TRAPPC13: variants seen among roughly 807,000 people sequenced by gnomAD.
TRAPPC13 encodes REV7-interacting novel NHEJ regulator 1.
TRAPPC13 carries 39 observed loss-of-function variants against 54.0 expected under a neutral mutation model. The observed-to-expected ratio is 0.72, with a 90% CI of 0.56 to 0.94. The LOEUF is 0.94. TRAPPC13 is among the 40% of genes least tolerant of loss of function. The pLI, the probability that TRAPPC13 is intolerant of heterozygous loss-of-function variation, is 0.00. For missense variants in TRAPPC13, 386 were observed against 488.1 expected (o/e 0.79, Z 1.97); for synonymous variants, 148 against 167.7 (o/e 0.88, Z 0.91).
intron 1 of TRAPPC13, among the ~76,000 whole-genome samples, chr5:65,629,070 C>G (rs1223366283): frequency 1.3e-5 from 2 of 152,060 alleles, no homozygotes; most frequent in Admixed American, 6.5e-5. Context: ...ATTTAGTTGC[C>G]TCAAATTTTT....
At chr5:65,642,908 A>G (rs1756024283) in intron 4 of TRAPPC13, among the ~76,000 whole-genome samples, 1 of 152,228 alleles carries the variant, frequency 6.6e-6, no homozygotes, top group South Asian at 2.1e-4. Flanking sequence ...ATTAAAAATT[A>G]AAAATTGATG....
intron 12 of TRAPPC13, 39 bp downstream of exon 12, chr5:65,664,423 G>A: frequency 1.9e-6 from 3 of 1,605,278 alleles, no homozygotes; most frequent in Non-Finnish European, 2.6e-6. Flanking sequence ...TTTGGGTGCT[G>A]TTAACTTACA....
chr5:65,651,556 C>A (rs1756435119), intron 6 of TRAPPC13, among the ~76,000 whole-genome samples: 1 of 151,578 alleles, frequency 6.6e-6, no homozygotes, highest in Non-Finnish European at 1.5e-5. Flanking sequence ...CTCCAGGAAT[C>A]ACTGGAACTT....
rs199661889 is a variant in TRAPPC13 at position 65,664,248 on chromosome 5, T to C, written c.1010T>C (p.Met337Thr). 3.1e-6 allele frequency: 5 copies of C among 1,613,832 alleles called. No homozygotes were observed. The highest frequency in any genetic ancestry group is 1.7e-4 in the Middle Eastern group (1 of 6,056). ...GATTCCTCCAGCAGTGAAAGGACTATGGATCTGGTTTTGGAAATGTGCAAT... is the reference window on the plus strand; with the variant it reads ...GATTCCTCCAGCAGTGAAAGGACTACGGATCTGGTTTTGGAAATGTGCAAT... ...CKITNCSERT[M>T]DLVLEMCNTN... Residue 337 changes from methionine (M) to threonine (T), a missense_variant, in exon 12 of 13, where the codon ATG becomes ACG. Physicochemically the swap from Met to Thr is moderately conservative, Grantham distance 81. Transcript: ENST00000399438.
chr5:65,636,031 C>T lies in TRAPPC13; in HGVS notation c.203C>T (p.Pro68Leu). Reference sequence around the variant, plus strand: ...ATGTTGGGAGAAATGCTGACTTTACCACAGAATTTTGGGTAAGAATGACAT... The same window carrying T: ...ATGTTGGGAGAAATGCTGACTTTACTACAGAATTTTGGGTAAGAATGACAT... ...VLMLGEMLTLPQNFGNIFLGE... is the reference protein window; with the variant it reads ...VLMLGEMLTLLQNFGNIFLGE... Residue 68 changes from proline to leucine, a missense_variant, in exon 3 of 13, where the codon CCA becomes CTA. Physicochemically the swap from Pro to Leu is moderately conservative, Grantham distance 98 (BLOSUM62 -3). Transcript: ENST00000399438. The T allele has an allele frequency of 6.3e-7, 1 of 1,591,066 alleles. No homozygotes were observed. The highest frequency in any genetic ancestry group is 8.6e-7 in the Non-Finnish European group (1 of 1,167,102).
At chr5:65,648,880 G>C (rs1756307719) in intron 5 of TRAPPC13, among the ~76,000 whole-genome samples, 1 of 151,820 alleles carries the variant, frequency 6.6e-6, no homozygotes, top group Non-Finnish European at 1.5e-5. Context: ...TTTAAATACA[G>C]TGTGAACATT....
At position 65,632,171 on chromosome 5, in the gene TRAPPC13, G is replaced by A. The variant is rs1191440009; in HGVS notation, c.47-3130G>A. 2.6e-5 allele frequency among the ~76,000 whole-genome samples: 4 copies of A among 152,144 alleles called. 1 individual carries two copies. Among genetic ancestry groups the A allele is most frequent in the Admixed American group, 2.0e-4 (3 of 15,278 alleles). Reference sequence around the variant, plus strand: ...GGGGGTAGGGGGTGGGTCTGAGGCAGGAGGTTCACTTGAGCTCAGGAGGTC... The same window carrying A: ...GGGGGTAGGGGGTGGGTCTGAGGCAAGAGGTTCACTTGAGCTCAGGAGGTC... On this transcript the variant is annotated intron_variant, in intron 1 of 12. Transcript: ENST00000399438.
chr5:65,656,303 C>T (rs1756649775), intron 8 of TRAPPC13, among the ~76,000 whole-genome samples: 1 of 152,020 alleles, frequency 6.6e-6, no homozygotes, highest in African/African-American at 2.4e-5. Flanking sequence ...GCTTGTTTTT[C>T]TTTCGTTTTA....
At chr5:65,630,101 G>C in intron 1 of TRAPPC13, 1 of 1,536,022 alleles carries the variant, frequency 6.5e-7, no homozygotes, top group Non-Finnish European at 8.7e-7. Flanking sequence ...ATGGACAATA[G>C]AACACACTAT....
At chr5:65,650,659 A>G in intron 5 of TRAPPC13, 151 bp from the exon 6 acceptor site, 2 of 592,972 alleles carry the variant, frequency 3.4e-6, no homozygotes, top group South Asian at 2.4e-5. Context: ...TTATGTCCAT[A>G]TCTATTCTGA....
chr5:65,651,049 G>C (rs1033286341), intron 6 of TRAPPC13, among the ~76,000 whole-genome samples, 167 bp downstream of exon 6: 1 of 152,124 alleles, frequency 6.6e-6, no homozygotes, highest in Non-Finnish European at 1.5e-5. Flanking sequence ...CTAAATTAAG[G>C]TGAATAAAAG....
intron 3 of TRAPPC13, among the ~76,000 whole-genome samples, chr5:65,636,761 T>C (rs1227212348): frequency 1.3e-5 from 2 of 152,210 alleles, no homozygotes; most frequent in African/African-American, 4.8e-5. Flanking sequence ...AGCTGTATTA[T>C]TATTCTAGAT....
At position 65,658,409 on chromosome 5, in the gene TRAPPC13, A is replaced by T; in HGVS notation, c.606A>T (p.Thr202=). The T allele has an allele frequency of 6.3e-7, 1 of 1,597,908 alleles. No homozygotes were observed. The highest frequency in any genetic ancestry group is 1.1e-5 in the South Asian group (1 of 88,426). The change falls in exon 9 of 13, where the codon ACA becomes ACT. Residue 202 remains threonine, a synonymous_variant. Transcript: ENST00000399438. ...TGGAAGCCCAGATTCAGAATATGAC[A>T]ACCTCACCTATGTTTATGGAGAAGG... is the stretch of plus-strand genomic sequence containing the variant. ...VFLEAQIQNM[T]TSPMFMEKVS... is the part of the protein sequence containing the mutation.
intron 11 of TRAPPC13, 25 bp downstream of exon 11, chr5:65,662,175 T>A: frequency 6.7e-7 from 1 of 1,494,578 alleles, no homozygotes; most frequent in Non-Finnish European, 9.2e-7. Context: ...TGTAGATGGA[T>A]GTCCTTTCTA....
At chr5:65,657,147 C>G (rs774458531) in intron 8 of TRAPPC13, among the ~76,000 whole-genome samples, 1 of 151,696 alleles carries the variant, frequency 6.6e-6, no homozygotes, top group African/African-American at 2.4e-5. Flanking sequence ...TTTGGGAGGC[C>G]GAGGTGGGTG....
At chr5:65,658,271 G>C (rs1756720920) in intron 8 of TRAPPC13, 97 bp from the exon 9 acceptor site, 1 of 1,206,538 alleles carries the variant, frequency 8.3e-7, no homozygotes, top group Non-Finnish European at 1.1e-6. Flanking sequence ...TCACATTTGT[G>C]GTTAATATTT....
At chr5:65,646,942 T>C in intron 4 of TRAPPC13, 113 bp from the exon 5 acceptor site, 1 of 1,037,502 alleles carries the variant, frequency 9.6e-7, no homozygotes. Context: ...GCTCCCCCTT[T>C]CATCCTTCTT....
intron 5 of TRAPPC13, among the ~76,000 whole-genome samples, chr5:65,650,443 T>G (rs1414314822): frequency 1.3e-5 from 2 of 152,196 alleles, no homozygotes; most frequent in East Asian, 3.8e-4. Flanking sequence ...ATTACAGGCA[T>G]GAACAACCGT....
At chr5:65,630,265 T>C in intron 1 of TRAPPC13, 1 of 1,535,540 alleles carries the variant, frequency 6.5e-7, no homozygotes, top group Non-Finnish European at 8.7e-7. Flanking sequence ...TGGGAAGTCT[T>C]CTTAAAGGAA....
Sources: gnomAD v4.1 joint callset for allele counts (sites outside exome capture counted in the v4.1 genomes callset) on GRCh38, gnomAD v4.1.1 for gene constraint, MANE v1.5 for transcripts, NCBI Gene and HGNC (gene_info 2026-07-23, HGNC 2026-07-21) for gene names.